MYO18B: variants seen among roughly 807,000 people sequenced by gnomAD.
MYO18B encodes the protein myosin XVIIIB.
Under a neutral mutation model 273.0 loss-of-function variants are expected in MYO18B, and 204 were observed. That is an observed-to-expected ratio of 0.75 (90% CI 0.67 to 0.84). MYO18B has a LOEUF of 0.84. Among genes scored for constraint, MYO18B ranks in the 40% least tolerant of loss-of-function variants. The pLI is 0.00. For missense variants in MYO18B, 3,212 were observed against 3,287.6 expected (o/e 0.98, Z 0.56); for synonymous variants, 1,330 against 1,305.7 (o/e 1.02, Z -0.40).
chr22:25,947,874 G>C, intron 36 of MYO18B, 46 bp downstream of exon 36: 1 of 1,419,736 alleles, frequency 7.0e-7, no homozygotes, highest in Non-Finnish European at 9.9e-7. Context: ...ACTTGGGGTG[G>C]GGTGAATGGG....
intron 39 of MYO18B, among the ~76,000 whole-genome samples, chr22:25,959,545 G>C (rs1045377124): frequency 6.6e-6 from 1 of 152,116 alleles, no homozygotes; most frequent in African/African-American, 2.4e-5. Flanking sequence ...CAAAGTGCTA[G>C]GATTATAAGC....
chr22:25,934,210 T>C (rs1251661858), intron 34 of MYO18B, among the ~76,000 whole-genome samples: 3 of 152,210 alleles, frequency 2.0e-5, no homozygotes, highest in African/African-American at 7.2e-5. Flanking sequence ...AGCTCTTTGC[T>C]ACATATGTCT....
Position 25,781,754 on chromosome 22 carries a change from C to G in MYO18B, c.2232C>G (p.Ser744Arg), listed in dbSNP as rs371844616. 4.4e-5 allele frequency: 69 copies of G among 1,578,886 alleles called. 1 individual carries two copies. The East Asian group carries it at 1.5e-3, about 34-fold the overall frequency. ...AQLQTMLLEK[S>R]RVARQPEGES... Reference sequence around the variant, plus strand: ...TGCAGACAATGCTTTTGGAGAAGAGCCGCGTGGCACGGCAGCCGGAAGGGG... The same window carrying G: ...TGCAGACAATGCTTTTGGAGAAGAGGCGCGTGGCACGGCAGCCGGAAGGGG... The change falls in exon 10 of 44, where the codon AGC becomes AGG. Residue 744 changes from serine to arginine, a missense_variant. Physicochemically the swap from Ser to Arg is moderately radical, Grantham distance 110 (BLOSUM62 -1). Coordinates refer to ENST00000335473, the MANE Select transcript of MYO18B (RefSeq NM_032608.7).
At chr22:25,901,470 C>T (rs1488403739) in intron 29 of MYO18B, 2 of 152,096 alleles carry the variant, frequency 1.3e-5, no homozygotes, top group South Asian at 2.1e-4. Flanking sequence ...ACCCAGTGGT[C>T]ATCACAGAAG....
intron 33 of MYO18B, among the ~76,000 whole-genome samples, chr22:25,918,217 C>A (rs766229042): frequency 6.6e-6 from 1 of 152,166 alleles, no homozygotes; most frequent in Non-Finnish European, 1.5e-5. Context: ...TGTCTCCAAG[C>A]CTCAATTTCC....
the MYO18B span, among the ~76,000 whole-genome samples, chr22:26,051,319 G>A: frequency 2.7e-5 from 4 of 150,530 alleles, no homozygotes; most frequent in Non-Finnish European, 4.4e-5. Flanking sequence ...CACCTCCCGG[G>A]TTCACGCCAT....
intron 1 of MYO18B, among the ~76,000 whole-genome samples, chr22:25,753,327 C>T (rs1399542395): frequency 6.6e-6 from 1 of 152,210 alleles, no homozygotes; most frequent in Non-Finnish European, 1.5e-5. Flanking sequence ...CACTCTGTGT[C>T]TAGCTAAGGA....
intron 27 of MYO18B, chr22:25,892,190 A>G (rs769611666): frequency 4.6e-5 from 7 of 152,232 alleles, no homozygotes; most frequent in African/African-American, 7.2e-5. Flanking sequence ...AGCCACATGT[A>G]TAGAATAGAG....
At chr22:25,770,688 T>C (rs1237019268) in intron 5 of MYO18B, among the ~76,000 whole-genome samples, 184 bp from the exon 6 acceptor site, 8 of 152,124 alleles carry the variant, frequency 5.3e-5, no homozygotes, top group Non-Finnish European at 1.2e-4. Context: ...AGCCTGACCT[T>C]AAAGGATTTG....
At position 26,012,709 on chromosome 22, in the gene MYO18B, A is replaced by T. The variant is rs563187584; in HGVS notation, c.6470+7854A>T. Among the ~76,000 whole-genome samples the T allele has an allele frequency of 2.6e-5, 4 of 152,246 alleles. No homozygotes were observed. The East Asian group carries it at 5.8e-4, about 22-fold the overall frequency. On this transcript the variant is annotated intron_variant, in intron 42 of 43. Coordinates refer to ENST00000335473, the MANE Select transcript of MYO18B (RefSeq NM_032608.7). ...TGGTAGGTCTATGGACCTTTTAGAAAATTTGAGGTTCACCTAAGCTGCAAG... is the reference window on the plus strand; with the variant it reads ...TGGTAGGTCTATGGACCTTTTAGAATATTTGAGGTTCACCTAAGCTGCAAG...
chr22:26,018,792 A>C (rs928832868), intron 42 of MYO18B, among the ~76,000 whole-genome samples: 21 of 152,046 alleles, frequency 1.4e-4, no homozygotes, highest in African/African-American at 5.1e-4. Flanking sequence ...ATCTCTACTA[A>C]AAATACAAAA....
intron 7 of MYO18B, among the ~76,000 whole-genome samples, chr22:25,773,910 G>A (rs1044269834): frequency 4.6e-5 from 7 of 152,190 alleles, no homozygotes; most frequent in African/African-American, 1.7e-4. Flanking sequence ...GAGGACAGAT[G>A]GGAAGAGGCT....
At chr22:25,770,015 T>C in intron 4 of MYO18B, 95 bp from the exon 5 acceptor site, 1 of 1,277,184 alleles carries the variant, frequency 7.8e-7, no homozygotes, top group African/African-American at 1.5e-5. Context: ...CTGGTTTAGA[T>C]GGCTCCAGAG....
intron 21 of MYO18B, among the ~76,000 whole-genome samples, chr22:25,867,619 A>ATTTC (rs143349723): frequency 0.21 from 32,060 of 150,622 alleles, 3,859 homozygotes; most frequent in East Asian, 0.38. Context: ...CAAGACCCTG[A>ATTTC]TTTCTTTCTT....
At chr22:25,980,923 G>T (rs981171404) in intron 39 of MYO18B, among the ~76,000 whole-genome samples, 2 of 152,186 alleles carry the variant, frequency 1.3e-5, no homozygotes, top group African/African-American at 4.8e-5. Flanking sequence ...CCCTCGGAAA[G>T]AAACTATTCC....
At chr22:25,890,541 G>A (rs1269319375) in intron 25 of MYO18B, among the ~76,000 whole-genome samples, 1 of 152,156 alleles carries the variant, frequency 6.6e-6, no homozygotes, top group Non-Finnish European at 1.5e-5. Flanking sequence ...AACCAGCAAG[G>A]CATCCTGCTT....
chr22:25,752,509 A>G (rs1437276971), intron 1 of MYO18B, among the ~76,000 whole-genome samples: 1 of 151,950 alleles, frequency 6.6e-6, no homozygotes, highest in Admixed American at 6.6e-5. Flanking sequence ...TTTAAGAGAC[A>G]GAGTCTATTA....
chr22:25,828,183 T>A (rs2089563813), intron 14 of MYO18B, among the ~76,000 whole-genome samples: 1 of 152,168 alleles, frequency 6.6e-6, no homozygotes, highest in Admixed American at 6.5e-5. Context: ...CATCATTAAC[T>A]GAGACGGTGG....
intron 1 of MYO18B, among the ~76,000 whole-genome samples, chr22:25,747,141 A>T (rs2085804262): frequency 1.3e-5 from 2 of 152,068 alleles, no homozygotes; most frequent in Non-Finnish European, 2.9e-5. Flanking sequence ...AAGAAAGAAA[A>T]TAAAAAAAGA....
Sources: allele counts gnomAD v4.1 joint callset (sites outside exome capture counted in the v4.1 genomes callset), GRCh38; gene constraint gnomAD v4.1.1; transcripts MANE v1.5; gene names NCBI Gene and HGNC (gene_info 2026-07-23, HGNC 2026-07-21).